Variants in CSGALNACT2 observed in about 807,000 individuals in gnomAD.
CSGALNACT2 encodes beta 4 GalNAcT-2.
In CSGALNACT2, 35 loss-of-function variants were observed where a neutral mutation model predicts 55.3. The ratio of observed to expected loss-of-function variants is 0.63; its 90% confidence interval spans 0.48 to 0.84. The LOEUF (loss-of-function observed/expected upper bound fraction) is 0.84, where lower values mean the gene tolerates loss of function less well. Among genes scored for constraint, CSGALNACT2 ranks in the 40% least tolerant of loss-of-function variants. The pLI is 0.00. For synonymous variants in CSGALNACT2, 196 were observed against 224.9 expected, an observed-to-expected ratio of 0.87 and a Z score of 1.15; for missense variants, 544 against 657.5, an observed-to-expected ratio of 0.83 and a Z score of 1.89.
chr10:43,164,911 G>A (rs1292057429), intron 5 of CSGALNACT2, among the ~76,000 whole-genome samples: 2 of 151,796 alleles, frequency 1.3e-5, no homozygotes, highest in Non-Finnish European at 2.9e-5. Flanking sequence ...ATGCTTTTTA[G>A]TTCATTTAAA....
chr10:43,147,211 G>A (rs1003192554), intron 1 of CSGALNACT2, among the ~76,000 whole-genome samples: 9 of 151,814 alleles, frequency 5.9e-5, no homozygotes, highest in South Asian at 2.1e-4. Flanking sequence ...TCCTGACCTC[G>A]TGATCCGCCC....
At chr10:43,157,454 C>G (rs1337868589) in intron 2 of CSGALNACT2, among the ~76,000 whole-genome samples, 3 of 152,200 alleles carry the variant, frequency 2.0e-5, no homozygotes, top group African/African-American at 7.2e-5. Flanking sequence ...TCCTATCCCT[C>G]TTCTAAACTT....
Position 43,154,998 on chromosome 10 carries a change from G to A in CSGALNACT2, c.-152G>A. 1 of 626,826 alleles carries A rather than the reference G, an allele frequency of 1.6e-6. No individual in the cohort carries two copies. Among genetic ancestry groups the A allele is most frequent in the Non-Finnish European group, 2.8e-6 (1 of 357,734 alleles). The allele number at this position is 626,826 out of a possible 1,614,324, so 38.8% of individuals were successfully genotyped here. A position where few individuals can be genotyped will look rare whatever the true frequency, so the allele number is the denominator to read the frequency against. ...TATACATAATTTCCCATTTCTGCAAGTAGTCATGACTGCTGAAGAAAGAAA... is the reference window on the plus strand; with the variant it reads ...TATACATAATTTCCCATTTCTGCAAATAGTCATGACTGCTGAAGAAAGAAA... On this transcript the variant is annotated 5_prime_UTR_variant, in exon 2 of 8. Coordinates refer to ENST00000374466, the MANE Select transcript of CSGALNACT2 (RefSeq NM_018590.5).
At chr10:43,179,895 C>T (rs1169253915) in intron 7 of CSGALNACT2, among the ~76,000 whole-genome samples, 1 of 152,202 alleles carries the variant, frequency 6.6e-6, no homozygotes. Context: ...AAACTCTGAA[C>T]TTCTCTACAT....
Position 43,183,218 on chromosome 10 carries a change from AGTTATTTATAGT to A in CSGALNACT2, c.1337-29_1337-18del. ...CCCTGTGCTCTGGCTAATAATAGGCAGTTATTTATAGTGTCAATTTTGATCTTACAGGTGGAT... is the reference window on the plus strand; with the variant it reads ...CCCTGTGCTCTGGCTAATAATAGGCAGTCAATTTTGATCTTACAGGTGGAT... On this transcript the variant is annotated intron_variant, in intron 7 of 7. Transcript: ENST00000374466. The A allele has an allele frequency of 1.3e-6, 2 of 1,521,488 alleles. No homozygotes were observed. The highest frequency in any genetic ancestry group is 1.8e-6 in the Non-Finnish European group (2 of 1,096,112). The allele number at this position is 1,521,488 out of a possible 1,614,324, so 94.2% of individuals were successfully genotyped here.
chr10:43,143,871 G>A (rs1024289386), intron 1 of CSGALNACT2, among the ~76,000 whole-genome samples: 1 of 152,172 alleles, frequency 6.6e-6, no homozygotes, highest in Non-Finnish European at 1.5e-5. Context: ...AAAAAGTGCT[G>A]CTTTCAGATG....
At position 43,176,048 on chromosome 10, in the gene CSGALNACT2, A is replaced by G. The variant is rs557905301; in HGVS notation, c.1336+16A>G. The G allele has an allele frequency of 1.3e-6, 2 of 1,575,596 alleles. No homozygotes were observed. Among genetic ancestry groups the G allele is most frequent in the Admixed American group, 1.9e-5 (1 of 53,666 alleles). Reference sequence around the variant, plus strand: ...CTGACCATTGGTAAGTATACTTTACATTTAAGGATAGGACTTTATTTACTC... The same window carrying G: ...CTGACCATTGGTAAGTATACTTTACGTTTAAGGATAGGACTTTATTTACTC... On this transcript the variant is annotated intron_variant, in intron 7 of 7. Coordinates refer to ENST00000374466, the MANE Select transcript of CSGALNACT2 (RefSeq NM_018590.5).
At chr10:43,167,969 G>T (rs1269717462) in intron 6 of CSGALNACT2, among the ~76,000 whole-genome samples, 1 of 122,294 alleles carries the variant, frequency 8.2e-6, no homozygotes, top group African/African-American at 3.3e-5. Context: ...TTATGTTTAT[G>T]TACAAAAAAT....
At chr10:43,177,630 T>G (rs935798932) in intron 7 of CSGALNACT2, among the ~76,000 whole-genome samples, 1 of 152,274 alleles carries the variant, frequency 6.6e-6, no homozygotes, top group Non-Finnish European at 1.5e-5. Context: ...AATGTTCTAT[T>G]GTGTGGTTAT....
chr10:43,180,866 A>T (rs1839576804), intron 7 of CSGALNACT2, among the ~76,000 whole-genome samples: 1 of 152,212 alleles, frequency 6.6e-6, no homozygotes, highest in Non-Finnish European at 1.5e-5. Flanking sequence ...GGACAGGATG[A>T]CTAGAAGGGG....
chr10:43,171,018 G>A lies in CSGALNACT2; in HGVS notation c.1254+3920G>A, dbSNP rs148604022. Among the ~76,000 whole-genome samples the A allele has an allele frequency of 1.2e-4, 18 of 152,278 alleles. No individual in the cohort carries two copies. In the East Asian group the frequency reaches 2.9e-3, roughly 24 times the overall value. On this transcript the variant is annotated intron_variant, in intron 6 of 7. Transcript: ENST00000374466. ...AGGAGACATGACAACCAAATGCAAT[G>A]TGGTGCCCTGGACTAGGTCCTAGAA...
At position 43,138,447 on chromosome 10, in the gene CSGALNACT2, C is replaced by T. The variant is rs936375470; in HGVS notation, c.-374C>T. On this transcript the variant is annotated 5_prime_UTR_variant, in exon 1 of 8. Coordinates refer to ENST00000374466, the MANE Select transcript of CSGALNACT2 (RefSeq NM_018590.5). ...TCCTCGCGCGCGCCGGAAGTGGCCT[C>T]TCAGGCGCGGCGGCGCGCCCGGGGG... 6.6e-6 allele frequency: 1 copy of T among 151,508 alleles called. No homozygotes were observed. The highest frequency in any genetic ancestry group is 1.5e-5 in the Non-Finnish European group (1 of 67,852). 9.4% of individuals were successfully genotyped at this position (151,508 alleles called of 1,614,324 possible). A position where few individuals can be genotyped will look rare whatever the true frequency, so the allele number is the denominator to read the frequency against.
chr10:43,149,700 T>C (rs1838834940), intron 1 of CSGALNACT2, among the ~76,000 whole-genome samples: 1 of 152,226 alleles, frequency 6.6e-6, no homozygotes, highest in Non-Finnish European at 1.5e-5. Flanking sequence ...ACTGACCTTA[T>C]AGAATGCTTC....
chr10:43,157,629 G>C (rs1427738981), intron 2 of CSGALNACT2, among the ~76,000 whole-genome samples: 1 of 152,058 alleles, frequency 6.6e-6, no homozygotes, highest in Non-Finnish European at 1.5e-5. Context: ...GCCTCAGGAG[G>C]GTTGGGACCA....
chr10:43,149,186 G>T (rs1009188444), intron 1 of CSGALNACT2, among the ~76,000 whole-genome samples: 4 of 152,138 alleles, frequency 2.6e-5, no homozygotes, highest in African/African-American at 7.2e-5. Flanking sequence ...AGGTCCATGT[G>T]ATTCTCCTAA....
chr10:43,160,487 C>T lies in CSGALNACT2; in HGVS notation c.879-7C>T. On this transcript the variant is annotated splice_region_variant and splice_polypyrimidine_tract_variant and intron_variant, in intron 3 of 7. Coordinates refer to ENST00000374466, the MANE Select transcript of CSGALNACT2 (RefSeq NM_018590.5). ...TTGAATAAACTTTTATTTTTCACTT[C>T]TGTTAGGGATGTTTGTATTCATCAA... The T allele has an allele frequency of 7.0e-7, 1 of 1,421,756 alleles. No individual in the cohort carries two copies. The highest frequency in any genetic ancestry group is 1.9e-5 in the Admixed American group (1 of 52,350). 88.1% of individuals were successfully genotyped at this position (1,421,756 alleles called of 1,614,324 possible).
chr10:43,151,717 G>A (rs761290188), intron 1 of CSGALNACT2, among the ~76,000 whole-genome samples: 5 of 152,118 alleles, frequency 3.3e-5, no homozygotes, highest in African/African-American at 4.8e-5. Context: ...GGTCTCTTCA[G>A]ACTATGAGCT....
At chr10:43,162,296 G>C in intron 4 of CSGALNACT2, 1 of 642,252 alleles carries the variant, frequency 1.6e-6, no homozygotes, top group Non-Finnish European at 2.7e-6. Context: ...CTTTCTCCCA[G>C]CTCCAGTTGA....
intron 5 of CSGALNACT2, among the ~76,000 whole-genome samples, chr10:43,165,209 G>A (rs2133132050): frequency 6.6e-6 from 1 of 152,084 alleles, no homozygotes; most frequent in Non-Finnish European, 1.5e-5. Context: ...TGGGCGACAG[G>A]GCGACATTCT....
Sources: gnomAD v4.1 joint callset for allele counts (sites outside exome capture counted in the v4.1 genomes callset) on GRCh38, gnomAD v4.1.1 for gene constraint, MANE v1.5 for transcripts, NCBI Gene and HGNC (gene_info 2026-07-23, HGNC 2026-07-21) for gene names.